Variants in MYB observed in about 807,000 individuals in gnomAD.
MYB encodes the protein transcriptional activator Myb.
A neutral mutation model predicts 92.9 loss-of-function variants in MYB; 28 were observed. The ratio of observed to expected loss-of-function variants is 0.30; its 90% confidence interval spans 0.22 to 0.41. The LOEUF is 0.41. MYB is among the 10% of genes least tolerant of loss of function. The pLI is 1.00. For synonymous variants in MYB, 295 were observed against 329.1 expected, an observed-to-expected ratio of 0.90 and a Z score of 1.12; for missense variants, 679 against 929.3, an observed-to-expected ratio of 0.73 and a Z score of 3.50.
chr6:135,182,432 G>T lies in MYB; in HGVS notation c.23+896G>T, dbSNP rs541976216. 1.1e-3 allele frequency among the ~76,000 whole-genome samples: 174 copies of T among 152,284 alleles called. 1 individual carries two copies. The highest frequency in any genetic ancestry group is 3.8e-3 in the African/African-American group (159 of 41,578). On this transcript the variant is annotated intron_variant, in intron 1 of 15. Coordinates refer to ENST00000341911, the MANE Select transcript of MYB (RefSeq NM_001130173.2). This position sits in a 1 kb window ranked among gnomAD's most constrained non-coding sequence, Gnocchi z 5.6. Reference sequence around the variant, plus strand: ...GGCGGGTGCCAGGGCTAGCTCGGCAGCCGTCGCAGTCGCCACTCGGCTCAA... The same window carrying T: ...GGCGGGTGCCAGGGCTAGCTCGGCATCCGTCGCAGTCGCCACTCGGCTCAA...
chr6:135,185,216 T>C (rs1443785878), intron 1 of MYB, among the ~76,000 whole-genome samples: 1 of 152,232 alleles, frequency 6.6e-6, no homozygotes, highest in African/African-American at 2.4e-5. Context: ...ATTGTAAACA[T>C]GGGCACAAGT....
intron 14 of MYB, 107 bp downstream of exon 14, chr6:135,201,856 C>T: frequency 2.1e-6 from 1 of 468,514 alleles, no homozygotes; most frequent in Non-Finnish European, 3.7e-6. Context: ...CTCTTTAACA[C>T]ATCTTATTTC....
chr6:135,197,011 A>G lies in MYB; in HGVS notation c.1254A>G (p.Ala418=). Residue 418 remains alanine, a synonymous_variant, in exon 10 of 16, where the codon GCA becomes GCG. Coordinates refer to ENST00000341911, the MANE Select transcript of MYB (RefSeq NM_001130173.2). Reference sequence around the variant, plus strand: ...GCAGTTTTGAATTCTTTGAAGAAGCAGATTTTTCACCTAGCCAACATCACA... The same window carrying G: ...GCAGTTTTGAATTCTTTGAAGAAGCGGATTTTTCACCTAGCCAACATCACA... ...DLSSFEFFEE[A]DFSPSQHHTG... The G allele has an allele frequency of 6.2e-7, 1 of 1,613,978 alleles. No individual in the cohort carries two copies. The highest frequency in any genetic ancestry group is 8.5e-7 in the Non-Finnish European group (1 of 1,179,874).
At chr6:135,195,245 A>G (rs1777142237) in intron 8 of MYB, 3 of 430,810 alleles carry the variant, frequency 7.0e-6, no homozygotes, top group South Asian at 4.9e-5. Flanking sequence ...CTGCTTTCCT[A>G]ACCACGTTGA....
chr6:135,194,720 A>G (rs1240416581), intron 8 of MYB: 3 of 574,486 alleles, frequency 5.2e-6, no homozygotes, highest in Non-Finnish European at 8.9e-6. Flanking sequence ...CTTCAGAAGG[A>G]CTATAATCAG....
At chr6:135,208,921 C>G (rs760796989) in intron 15 of MYB, among the ~76,000 whole-genome samples, 1 of 152,182 alleles carries the variant, frequency 6.6e-6, no homozygotes, top group African/African-American at 2.4e-5. Context: ...CTCTTTTACT[C>G]TCTAGTCCAG....
chr6:135,185,762 A>C (rs1017373096), intron 1 of MYB, 141 bp from the exon 2 acceptor site: 1 of 724,314 alleles, frequency 1.4e-6, no homozygotes, highest in African/African-American at 1.8e-5. Flanking sequence ...TGCAGCAAAC[A>C]ATCTTGTTGT....
intron 15 of MYB, among the ~76,000 whole-genome samples, chr6:135,212,514 T>C (rs979464357): frequency 8.5e-5 from 13 of 152,180 alleles, no homozygotes; most frequent in Non-Finnish European, 1.3e-4. Flanking sequence ...GCAATATTTA[T>C]TTAAAGTGCT....
Position 135,199,008 on chromosome 6 carries a change from T to G in MYB, c.1667T>G (p.Phe556Cys). The G allele has an allele frequency of 2.5e-6, 4 of 1,612,032 alleles. No individual in the cohort carries two copies. The highest frequency in any genetic ancestry group is 3.4e-6 in the Non-Finnish European group (4 of 1,178,682). The change falls in exon 11 of 16, where the codon TTT becomes TGT. Residue 556 changes from phenylalanine (F) to cysteine (C), a missense_variant. Phe to Cys is a radical substitution (Grantham distance 205). This residue lies in a region of MYB where 402 missense variants were observed against 434.2 expected (regional missense o/e 0.93). Coordinates refer to ENST00000341911, the MANE Select transcript of MYB (RefSeq NM_001130173.2). ...CACAAATTGACTGTTACAACACCATTTCATAGAGACCAGACTGTGAAAACT... is the reference window on the plus strand; with the variant it reads ...CACAAATTGACTGTTACAACACCATGTCATAGAGACCAGACTGTGAAAACT... ...IGHKLTVTTP[F>C]HRDQTVKTQK...
chr6:135,186,064 A>T, intron 2 of MYB, 44 bp downstream of exon 2: 1 of 1,559,718 alleles, frequency 6.4e-7, no homozygotes, highest in Non-Finnish European at 8.8e-7. Context: ...GATAGAGTGT[A>T]TAATTTATAA....
intron 15 of MYB, chr6:135,203,530 C>G: frequency 1.5e-6 from 1 of 672,076 alleles, no homozygotes; most frequent in Non-Finnish European, 2.5e-6. Flanking sequence ...ATGAGACATG[C>G]TAGAAATTTT....
Position 135,188,029 on chromosome 6 carries a change from C to T in MYB, c.213+124C>T, listed in dbSNP as rs912244994. Reference sequence around the variant, plus strand: ...TCACATTTAAGAAGTGGGAGAAATGCCCTACCCATAACTTATATTTTATAT... The same window carrying T: ...TCACATTTAAGAAGTGGGAGAAATGTCCTACCCATAACTTATATTTTATAT... On this transcript the variant is annotated intron_variant, in intron 3 of 15. Coordinates refer to ENST00000341911, the MANE Select transcript of MYB (RefSeq NM_001130173.2). The T allele has an allele frequency of 9.9e-5, 48 of 484,178 alleles. No individual in the cohort carries two copies. The Middle Eastern group carries it at 3.4e-3, about 35-fold the overall frequency. 30.0% of individuals were successfully genotyped at this position (484,178 alleles called of 1,614,324 possible). A position where few individuals can be genotyped will look rare whatever the true frequency, so the allele number is the denominator to read the frequency against.
At chr6:135,194,216 G>T in intron 7 of MYB, 140 bp from the exon 8 acceptor site, 1 of 651,286 alleles carries the variant, frequency 1.5e-6, no homozygotes, top group Non-Finnish European at 2.6e-6. Flanking sequence ...ATTTCTGCAG[G>T]AGCCAAATTT....
rs1777405041 is a variant in MYB at position 135,196,941 on chromosome 6, T to A, written c.1204-20T>A. 1 of 1,604,576 alleles carries A rather than the reference T, an allele frequency of 6.2e-7. No homozygotes were observed. The highest frequency in any genetic ancestry group is 2.2e-5 in the East Asian group (1 of 44,830). On this transcript the variant is annotated intron_variant, in intron 9 of 15. Transcript: ENST00000341911. ...TGGCACACACTATCTCAAAGTTCTGTGCCTCCCACATTGTTTCAGGATTCT... is the reference window on the plus strand; with the variant it reads ...TGGCACACACTATCTCAAAGTTCTGAGCCTCCCACATTGTTTCAGGATTCT...
Position 135,201,762 on chromosome 6 carries a change from G to T in MYB, c.2061+13G>T, listed in dbSNP as rs1778125008. 7.1e-7 allele frequency: 1 copy of T among 1,405,282 alleles called. No homozygotes were observed. 87.1% of individuals were successfully genotyped at this position (1,405,282 alleles called of 1,614,324 possible). A position where few individuals can be genotyped will look rare whatever the true frequency, so the allele number is the denominator to read the frequency against. On this transcript the variant is annotated intron_variant, in intron 14 of 15. Transcript: ENST00000341911. Reference sequence around the variant, plus strand: ...GGCAGATGCACCGGTAAGTACGTGTGCACCAGCCCCCAAGTTGTTATGTGA... The same window carrying T: ...GGCAGATGCACCGGTAAGTACGTGTTCACCAGCCCCCAAGTTGTTATGTGA...
chr6:135,215,034 C>T (rs961437850), intron 15 of MYB, among the ~76,000 whole-genome samples: 1 of 152,180 alleles, frequency 6.6e-6, no homozygotes, highest in Non-Finnish European at 1.5e-5. Context: ...TGTAGTATTT[C>T]AAGTTATATG....
At chr6:135,186,381 G>A (rs899077150) in intron 2 of MYB, among the ~76,000 whole-genome samples, 1 of 152,194 alleles carries the variant, frequency 6.6e-6, no homozygotes, top group Non-Finnish European at 1.5e-5. Flanking sequence ...GCATCCTCCT[G>A]TGATCCCATG....
At chr6:135,204,154 C>T (rs991779785) in intron 15 of MYB, among the ~76,000 whole-genome samples, 3 of 152,118 alleles carry the variant, frequency 2.0e-5, no homozygotes, top group Admixed American at 6.5e-5. Flanking sequence ...TTAAATGGCA[C>T]GATCATAGGA....
At chr6:135,203,138 A>G (rs944106475) in intron 14 of MYB, 79 bp from the exon 15 acceptor site, 103 of 1,017,622 alleles carry the variant, frequency 1.0e-4, no homozygotes, top group Non-Finnish European at 1.5e-4. Context: ...ATAGTAATCT[A>G]CTCTCCACAG....
Sources: gnomAD v4.1 joint callset for allele counts (sites outside exome capture counted in the v4.1 genomes callset) on GRCh38, gnomAD v4.1.1 for gene constraint, gnomAD v4.1.1 regional missense constraint, Gnocchi (gnomAD v3.1) non-coding constraint, MANE v1.5 for transcripts, NCBI Gene and HGNC (gene_info 2026-07-23, HGNC 2026-07-21) for gene names.